Variants in SLU7 observed in about 807,000 individuals in gnomAD.
SLU7 encodes the protein spliceosome associated SLU7.
In SLU7, 60 loss-of-function variants were observed where a neutral mutation model predicts 87.0. The ratio of observed to expected loss-of-function variants is 0.69; its 90% confidence interval spans 0.56 to 0.86. The LOEUF (loss-of-function observed/expected upper bound fraction) is 0.86. SLU7 is among the 40% of genes least tolerant of loss of function. The pLI is 0.00. For synonymous variants in SLU7, 197 were observed against 222.0 expected, an observed-to-expected ratio of 0.89 and a Z score of 1.00; for missense variants, 507 against 686.6, an observed-to-expected ratio of 0.74 and a Z score of 2.92.
chr5:160,405,189 T>C, intron 12 of SLU7, 54 bp from the exon 13 acceptor site: 1 of 1,194,272 alleles, frequency 8.4e-7, no homozygotes, highest in Non-Finnish European at 1.2e-6. Flanking sequence ...TAGAAACTTC[T>C]GTATACTGTT....
chr5:160,401,915 G>GGTGGT lies in SLU7; in HGVS notation c.*1365_*1369dup, dbSNP rs1042273920. On this transcript the variant is annotated 3_prime_UTR_variant, in exon 16 of 16. Transcript: ENST00000297151. ...TGCTGACTTAATGCAGTATCCTACA[G>GGTGGT]GTGGTTTTTGGTAGTTTAGAAAAGC... 2.0e-5 allele frequency: 3 copies of GGTGGT among 152,202 alleles called. No homozygotes were observed. Among genetic ancestry groups the GGTGGT allele is most frequent in the African/African-American group, 7.2e-5 (3 of 41,456 alleles). 9.4% of individuals were successfully genotyped at this position (152,202 alleles called of 1,614,324 possible).
intron 6 of SLU7, 121 bp downstream of exon 6, chr5:160,412,330 T>C (rs1467927009): frequency 1.5e-6 from 1 of 653,588 alleles, no homozygotes; most frequent in Non-Finnish European, 2.7e-6. Flanking sequence ...CAGTTTTATT[T>C]TTCCCCCAAT....
At chr5:160,408,098 T>C (rs1413186640) in intron 8 of SLU7, 30 bp from the exon 9 acceptor site, 10 of 1,481,168 alleles carry the variant, frequency 6.8e-6, no homozygotes, top group Admixed American at 3.4e-5. Flanking sequence ...AAAGAATTAA[T>C]GTTTACTCAC....
intron 1 of SLU7, among the ~76,000 whole-genome samples, chr5:160,415,850 T>C (rs1195668054): frequency 6.6e-6 from 1 of 152,174 alleles, no homozygotes; most frequent in Non-Finnish European, 1.5e-5. Context: ...CCTTTTTATA[T>C]ATTATGTCTT....
chr5:160,407,141 C>T lies in SLU7; in HGVS notation c.1125+335G>A, dbSNP rs1274900559. Reference sequence around the variant, plus strand: ...GAGATGAGCTGTCCCAGAAGAGGTCCCCTTAGGACAATTAGCCTGTTAACT... The same window carrying T: ...GAGATGAGCTGTCCCAGAAGAGGTCTCCTTAGGACAATTAGCCTGTTAACT... On this transcript the variant is annotated intron_variant, in intron 11 of 15. Coordinates refer to ENST00000297151, the MANE Select transcript of SLU7 (RefSeq NM_006425.5). This position sits in a 1 kb window ranked among gnomAD's most constrained non-coding sequence, Gnocchi z 4.2. 2.0e-5 allele frequency among the ~76,000 whole-genome samples: 3 copies of T among 152,180 alleles called. No homozygotes were observed. Among genetic ancestry groups the T allele is most frequent in the Admixed American group, 6.5e-5 (1 of 15,280 alleles).
Position 160,413,894 on chromosome 5 carries a change from C to T in SLU7, c.405+5G>A. ...GGTTTTCAAAATTTTCAAAGGTGAACTTACCTCAAAGCAGTCTTTCTTTTT... is the reference window on the plus strand; with the variant it reads ...GGTTTTCAAAATTTTCAAAGGTGAATTTACCTCAAAGCAGTCTTTCTTTTT... On this transcript the variant is annotated splice_donor_5th_base_variant and intron_variant, in intron 4 of 15. Coordinates refer to ENST00000297151, the MANE Select transcript of SLU7 (RefSeq NM_006425.5). 6.3e-7 allele frequency: 1 copy of T among 1,581,618 alleles called. No homozygotes were observed. The highest frequency in any genetic ancestry group is 8.6e-7 in the Non-Finnish European group (1 of 1,166,618).
At chr5:160,406,341 A>G (rs929267331) in intron 12 of SLU7, 127 bp downstream of exon 12, 3 of 707,078 alleles carry the variant, frequency 4.2e-6, no homozygotes, top group Non-Finnish European at 6.3e-6. Flanking sequence ...TCCATGAAAC[A>G]GTTAAAATTT....
At position 160,407,860 on chromosome 5, in the gene SLU7, A is replaced by T; in HGVS notation, c.918-47T>A. 1.3e-6 allele frequency: 2 copies of T among 1,535,888 alleles called. No individual in the cohort carries two copies. The highest frequency in any genetic ancestry group is 2.2e-5 in the East Asian group (1 of 44,462). On this transcript the variant is annotated intron_variant, in intron 9 of 15. Coordinates refer to ENST00000297151, the MANE Select transcript of SLU7 (RefSeq NM_006425.5). This position sits in a 1 kb window ranked among gnomAD's most constrained non-coding sequence, Gnocchi z 4.2. ...ATGTTTCAGAGATTGATTTAAGGAA[A>T]ATTAATTCGTAAAACTGAATCTGAA...
Position 160,407,977 on chromosome 5 carries a change from G to C in SLU7, c.911C>G (p.Pro304Arg), listed in dbSNP as rs1382457024. 1.2e-6 allele frequency: 2 copies of C among 1,607,462 alleles called. No homozygotes were observed. The highest frequency in any genetic ancestry group is 1.7e-6 in the Non-Finnish European group (2 of 1,174,354). The change falls in exon 9 of 16, where the codon CCA becomes CGA. Residue 304 changes from proline to arginine, a missense_variant. Around this residue, in one of 6 missense-constraint regions of SLU7, gnomAD observed 49 missense variants for 144.1 expected, o/e 0.34. Coordinates refer to ENST00000297151, the MANE Select transcript of SLU7 (RefSeq NM_006425.5). This position sits in a 1 kb window ranked among gnomAD's most constrained non-coding sequence, Gnocchi z 4.2. ...CATTTAACTTGATACTTACTCATCT[G>C]GATTCTTTCCTGCATTGGCATAAGG... ...ENPYANAGKNPDEVSYAGDNF... is the reference protein window; with the variant it reads ...ENPYANAGKNRDEVSYAGDNF...
At chr5:160,418,543 T>C (rs1765550209) in intron 1 of SLU7, 1 of 152,204 alleles carries the variant, frequency 6.6e-6, no homozygotes, top group African/African-American at 2.4e-5. Flanking sequence ...AAAACAGTAA[T>C]AGCTCCCACT....
chr5:160,405,455 T>C (rs942284844), intron 12 of SLU7, among the ~76,000 whole-genome samples: 19 of 152,226 alleles, frequency 1.2e-4, no homozygotes, highest in African/African-American at 3.9e-4. Context: ...TGCTGAACAG[T>C]GGATGCCCCA....
intron 6 of SLU7, among the ~76,000 whole-genome samples, chr5:160,409,822 G>A (rs147706952): frequency 4.6e-5 from 7 of 152,134 alleles, no homozygotes; most frequent in African/African-American, 1.7e-4. Context: ...GGGAGAGACA[G>A]ATAGGATAAG....
intron 5 of SLU7, among the ~76,000 whole-genome samples, 197 bp from the exon 6 acceptor site, chr5:160,412,716 A>C (rs1421350089): frequency 1.3e-5 from 2 of 152,130 alleles, no homozygotes; most frequent in Non-Finnish European, 2.9e-5. Context: ...TATAAAGAGC[A>C]GGAGTTACAC....
intron 1 of SLU7, among the ~76,000 whole-genome samples, chr5:160,416,817 T>C (rs1451495278): frequency 6.6e-6 from 1 of 152,224 alleles, no homozygotes; most frequent in African/African-American, 2.4e-5. Flanking sequence ...GATCATATCA[T>C]GTCTGACATG....
rs569485051 is a variant in SLU7, at chr5:160,406,351, T to A, written c.1287+117A>T. 10 of 849,444 alleles carry A rather than the reference T, an allele frequency of 1.2e-5. 1 individual carries two copies. The South Asian group carries it at 3.1e-4, about 26-fold the overall frequency. The allele number at this position is 849,444 out of a possible 1,614,324, so 52.6% of individuals were successfully genotyped here. A position where few individuals can be genotyped will look rare whatever the true frequency, so the allele number is the denominator to read the frequency against. On this transcript the variant is annotated intron_variant, in intron 12 of 15. Transcript: ENST00000297151. ...AAAATTCCATGAAACAGTTAAAATT[T>A]TTTTTTTTTTTTAAAGCATAGAGAA...
intron 6 of SLU7, among the ~76,000 whole-genome samples, chr5:160,412,093 T>A (rs1291653995): frequency 6.6e-6 from 1 of 152,224 alleles, no homozygotes; most frequent in African/African-American, 2.4e-5. Flanking sequence ...CAATTCCCTG[T>A]TCCTGGACAT....
At chr5:160,409,965 C>T (rs1441863872) in intron 6 of SLU7, among the ~76,000 whole-genome samples, 1 of 152,076 alleles carries the variant, frequency 6.6e-6, no homozygotes, top group African/African-American at 2.4e-5. Context: ...CGCTGTGCAT[C>T]TTCTTAAATT....
At chr5:160,412,598 A>G in intron 5 of SLU7, 79 bp from the exon 6 acceptor site, 2 of 794,660 alleles carry the variant, frequency 2.5e-6, no homozygotes, top group Non-Finnish European at 4.0e-6. Flanking sequence ...GTCACCACCT[A>G]AATTTTTATA....
intron 8 of SLU7, 62 bp downstream of exon 8, chr5:160,408,267 T>A (rs1765088121): frequency 3.3e-6 from 5 of 1,492,552 alleles, no homozygotes; most frequent in Non-Finnish European, 4.6e-6. Context: ...CCAGAGTCGA[T>A]AAAATTTATG....
Sources: gnomAD v4.1 joint callset for allele counts (sites outside exome capture counted in the v4.1 genomes callset) on GRCh38, gnomAD v4.1.1 for gene constraint, gnomAD v4.1.1 regional missense constraint, Gnocchi (gnomAD v3.1) non-coding constraint, MANE v1.5 for transcripts, NCBI Gene and HGNC (gene_info 2026-07-23, HGNC 2026-07-21) for gene names.